Variants in PRKG1 observed in about 807,000 individuals in gnomAD.
PRKG1 encodes protein kinase cGMP-dependent 1, also known as cGMP-dependent protein kinase 1.
A neutral mutation model predicts 88.1 loss-of-function variants in PRKG1; 35 were observed. The ratio of observed to expected loss-of-function variants is 0.40; its 90% CI spans 0.30 to 0.53. PRKG1 has a LOEUF of 0.53. Ranked by LOEUF, PRKG1 falls within the 20% of genes least tolerant of loss-of-function variation. The pLI is 0.59. For missense variants in PRKG1, 540 were observed against 839.8 expected (o/e 0.64, Z 4.41); for synonymous variants, 303 against 292.5 (o/e 1.04, Z -0.37).
intron 7 of PRKG1, among the ~76,000 whole-genome samples, chr10:52,094,895 A>G (rs1220122329): frequency 6.6e-6 from 1 of 152,204 alleles, no homozygotes; most frequent in Non-Finnish European, 1.5e-5. Flanking sequence ...TCAACCTATG[A>G]ATTTGAGAGG....
At chr10:51,111,285 G>A (rs1844973525) in intron 1 of PRKG1, among the ~76,000 whole-genome samples, 1 of 152,000 alleles carries the variant, frequency 6.6e-6, no homozygotes, top group Non-Finnish European at 1.5e-5. Flanking sequence ...TAAATTTTTT[G>A]TGTGGGCACA....
intron 1 of PRKG1, among the ~76,000 whole-genome samples, chr10:51,038,024 G>T (rs1214502552): frequency 6.6e-6 from 1 of 152,090 alleles, no homozygotes; most frequent in African/African-American, 2.4e-5. Flanking sequence ...TAAATGTCAG[G>T]CCAGAACCAA....
intron 2 of PRKG1, among the ~76,000 whole-genome samples, chr10:51,348,520 T>C (rs547706946): frequency 1.3e-5 from 2 of 152,198 alleles, no homozygotes; most frequent in South Asian, 4.1e-4. Flanking sequence ...CCTAGAAACA[T>C]AAAACAAGCG....
intron 1 of PRKG1, among the ~76,000 whole-genome samples, chr10:51,149,187 T>C (rs1006593284): frequency 1.3e-5 from 2 of 152,176 alleles, no homozygotes. Context: ...TGTCATATAA[T>C]CTTTATTTCA....
At chr10:51,231,749 A>T (rs1298481514) in intron 2 of PRKG1, among the ~76,000 whole-genome samples, 1 of 150,590 alleles carries the variant, frequency 6.6e-6, no homozygotes, top group South Asian at 2.1e-4. Context: ...TCTAGATGTG[A>T]CGTTTTCTGG....
At chr10:52,199,655 C>T (rs969695812) in intron 9 of PRKG1, among the ~76,000 whole-genome samples, 3 of 152,262 alleles carry the variant, frequency 2.0e-5, no homozygotes, top group East Asian at 1.9e-4. Flanking sequence ...GGGAACTTCT[C>T]GAATTTCCCA....
At chr10:51,250,137 C>T (rs899649630) in intron 2 of PRKG1, among the ~76,000 whole-genome samples, 1 of 151,680 alleles carries the variant, frequency 6.6e-6, no homozygotes, top group African/African-American at 2.4e-5. Context: ...CCCAACCTAC[C>T]CTAAACAGCC....
intron 2 of PRKG1, among the ~76,000 whole-genome samples, chr10:51,222,459 A>G (rs946898191): frequency 6.6e-6 from 1 of 152,174 alleles, no homozygotes; most frequent in African/African-American, 2.4e-5. Flanking sequence ...TAATTTGCCT[A>G]TGGTCAGAAA....
chr10:51,884,276 C>A (rs1841508640), intron 4 of PRKG1, among the ~76,000 whole-genome samples: 2 of 149,704 alleles, frequency 1.3e-5, no homozygotes, highest in Non-Finnish European at 1.5e-5. Flanking sequence ...GAAACCCCGT[C>A]TCTACTAAAA....
At chr10:52,209,611 G>GT (rs1167922649) in intron 9 of PRKG1, among the ~76,000 whole-genome samples, 1 of 152,082 alleles carries the variant, frequency 6.6e-6, no homozygotes, top group Non-Finnish European at 1.5e-5. Flanking sequence ...CTTGACATAT[G>GT]TTTTTTGCCA....
chr10:51,569,059 G>A (rs1338805864), intron 3 of PRKG1, among the ~76,000 whole-genome samples: 1 of 152,012 alleles, frequency 6.6e-6, no homozygotes, highest in African/African-American at 2.4e-5. Context: ...GTTTTTATGA[G>A]CTGTTAACCC....
intron 2 of PRKG1, among the ~76,000 whole-genome samples, chr10:51,167,644 A>C (rs1353395093): frequency 6.6e-6 from 1 of 152,216 alleles, no homozygotes; most frequent in African/African-American, 2.4e-5. Flanking sequence ...GCTTGTGCCA[A>C]GATGGCAGTG....
intron 5 of PRKG1, among the ~76,000 whole-genome samples, chr10:51,921,388 CTG>C (rs1842459687): frequency 6.6e-6 from 1 of 152,042 alleles, no homozygotes; most frequent in African/African-American, 2.4e-5. Context: ...CCTTCCCCAT[CTG>C]TCTCTCTTTT....
intron 17 of PRKG1, among the ~76,000 whole-genome samples, chr10:52,293,497 A>G (rs1337274512): frequency 1.3e-5 from 2 of 152,124 alleles, no homozygotes; most frequent in Non-Finnish European, 2.9e-5. Context: ...ATCACGCTAC[A>G]TGATCACTCT....
intron 3 of PRKG1, among the ~76,000 whole-genome samples, chr10:51,561,034 C>G (rs1837444854): frequency 6.6e-6 from 1 of 151,278 alleles, no homozygotes; most frequent in African/African-American, 2.4e-5. Flanking sequence ...ATTTCTTGAG[C>G]CCAGGAGTTT....
intron 2 of PRKG1, among the ~76,000 whole-genome samples, chr10:51,262,098 G>A (rs911730335): frequency 2.0e-5 from 3 of 151,898 alleles, no homozygotes; most frequent in African/African-American, 7.3e-5. Flanking sequence ...GTGTTAGCCA[G>A]GATGGTCTCG....
intron 3 of PRKG1, among the ~76,000 whole-genome samples, chr10:51,780,621 G>C (rs1029663015): frequency 3.9e-5 from 6 of 152,010 alleles, no homozygotes; most frequent in African/African-American, 1.4e-4. Context: ...CCCTATAATT[G>C]AGTCTGTCTC....
At chr10:52,155,617 C>A (rs916169642) in intron 8 of PRKG1, among the ~76,000 whole-genome samples, 1 of 151,554 alleles carries the variant, frequency 6.6e-6, no homozygotes, top group African/African-American at 2.4e-5. Flanking sequence ...GAAAAAAAAT[C>A]AAGGAGGATA....
intron 1 of PRKG1, among the ~76,000 whole-genome samples, chr10:51,015,440 T>A (rs1175838143): frequency 2.0e-5 from 3 of 152,216 alleles, no homozygotes; most frequent in Non-Finnish European, 4.4e-5. Context: ...TGAAGGCTAG[T>A]AGGAATTCTT....
Sources: gnomAD v4.1 joint callset for allele counts (sites outside exome capture counted in the v4.1 genomes callset) on GRCh38, gnomAD v4.1.1 for gene constraint, MANE v1.5 for transcripts, NCBI Gene and HGNC (gene_info 2026-07-23, HGNC 2026-07-21) for gene names.